The following HERPUD2 variants were observed in gnomAD, a reference collection of about 807,000 sequenced individuals.
The protein encoded by HERPUD2 is homocysteine-responsive endoplasmic reticulum-resident ubiquitin-like domain member 2 protein.
HERPUD2 carries 13 observed loss-of-function variants against 49.9 expected under a neutral mutation model. That is an observed-to-expected ratio of 0.26 (90% CI 0.17 to 0.41). HERPUD2 has a LOEUF of 0.41. HERPUD2 is among the 10% of genes least tolerant of loss of function. The probability of loss-of-function intolerance (pLI) is 1.00; values close to 1 mark genes in which losing one functional copy is unlikely to be tolerated. For missense variants in HERPUD2, 449 were observed against 492.2 expected (o/e 0.91, Z 0.83); for synonymous variants, 172 against 171.4 (o/e 1.00, Z -0.03).
chr7:35,675,013 C>A (rs889356473), intron 2 of HERPUD2, among the ~76,000 whole-genome samples: 1 of 152,188 alleles, frequency 6.6e-6, no homozygotes, highest in Non-Finnish European at 1.5e-5. Flanking sequence ...GAGGGGGTCA[C>A]GGGAACCCCA....
At chr7:35,684,967 A>G (rs1428948414) in intron 2 of HERPUD2, among the ~76,000 whole-genome samples, 2 of 152,332 alleles carry the variant, frequency 1.3e-5, no homozygotes, top group East Asian at 3.9e-4. Flanking sequence ...CTGGCCAGGC[A>G]TGGTTTCTCA....
At chr7:35,651,329 G>C (rs1327387113) in intron 5 of HERPUD2, among the ~76,000 whole-genome samples, 2 of 151,954 alleles carry the variant, frequency 1.3e-5, no homozygotes, top group African/African-American at 4.8e-5. Flanking sequence ...CCACACTGGG[G>C]CCTAAGGACA....
chr7:35,641,084 A>C (rs1168427279), intron 5 of HERPUD2, among the ~76,000 whole-genome samples: 3 of 152,216 alleles, frequency 2.0e-5, no homozygotes, highest in Non-Finnish European at 4.4e-5. Flanking sequence ...GAAATGTTGC[A>C]ATAAATTGTA....
At chr7:35,671,219 A>ATG (rs1785637531) in intron 3 of HERPUD2, among the ~76,000 whole-genome samples, 2 of 152,234 alleles carry the variant, frequency 1.3e-5, no homozygotes, top group Admixed American at 1.3e-4. Context: ...GAAAGGGTAC[A>ATG]ACAGGCCCTT....
intron 2 of HERPUD2, among the ~76,000 whole-genome samples, chr7:35,691,749 T>C (rs1361265670): frequency 6.6e-6 from 1 of 152,210 alleles, no homozygotes; most frequent in Non-Finnish European, 1.5e-5. Flanking sequence ...AATAGCAAAC[T>C]GTGCTGAATT....
chr7:35,682,250 CGT>C (rs139063446), intron 2 of HERPUD2, among the ~76,000 whole-genome samples: 5,261 of 67,376 alleles, frequency 0.078, 604 homozygotes, highest in South Asian at 0.26. Flanking sequence ...CACATACACA[CGT>C]GTGTGTGTGT....
chr7:35,686,409 G>A (rs1295811459), intron 2 of HERPUD2, among the ~76,000 whole-genome samples: 3 of 149,088 alleles, frequency 2.0e-5, no homozygotes, highest in Non-Finnish European at 3.0e-5. Context: ...GCATGGTCTC[G>A]ATCTCCTGAT....
chr7:35,634,126 A>G (rs1784831914), intron 8 of HERPUD2, among the ~76,000 whole-genome samples, 186 bp downstream of exon 8: 2 of 152,256 alleles, frequency 1.3e-5, no homozygotes, highest in South Asian at 4.1e-4. Context: ...GTTATAATAT[A>G]TGACTGATTC....
In HERPUD2 at chr7:35,667,460, A is replaced by C; in HGVS notation, c.468T>G (p.Ser156Arg). The change falls in exon 5 of 9, where the codon AGT becomes AGG. Residue 156 changes from serine (S) to arginine (R), a missense_variant. By Grantham distance (110) the Ser-to-Arg change is moderately radical. Transcript: ENST00000311350. ...CTTGCATTACATATGGAAACTGGTG[A>C]CTCTGTGCTTGGTCAGTTTGTGCTT... ...LPQAQTDQAQ[S>R]HQFPYVMQGN... 1.9e-6 allele frequency: 3 copies of C among 1,613,162 alleles called. No individual in the cohort carries two copies. Among genetic ancestry groups the C allele is most frequent in the Non-Finnish European group, 2.5e-6 (3 of 1,179,354 alleles).
At chr7:35,664,018 G>T (rs1785486898) in intron 5 of HERPUD2, among the ~76,000 whole-genome samples, 1 of 152,156 alleles carries the variant, frequency 6.6e-6, no homozygotes, top group Admixed American at 6.5e-5. Context: ...GCATGTTTTT[G>T]CAGGGCTGGT....
intron 6 of HERPUD2, among the ~76,000 whole-genome samples, 190 bp from the exon 7 acceptor site, chr7:35,635,648 C>G (rs1011602975): frequency 6.6e-6 from 1 of 152,024 alleles, no homozygotes; most frequent in Non-Finnish European, 1.5e-5. Flanking sequence ...TGGTAGATGT[C>G]GCACAGGAAA....
Position 35,694,644 on chromosome 7 carries a change from T to G in HERPUD2, c.-297-17A>C, listed in dbSNP as rs1474020434. ...GAAAGGAAGCTATACGAAGGAAGGG[T>G]GGGAGGGATGAGGGCACAACGGCCG... On this transcript the variant is annotated splice_polypyrimidine_tract_variant and intron_variant, in intron 1 of 8. Coordinates refer to ENST00000311350, the MANE Select transcript of HERPUD2 (RefSeq NM_022373.5). The G allele has an allele frequency of 3.9e-5, 13 of 331,636 alleles. No homozygotes were observed. The highest frequency in any genetic ancestry group is 7.9e-5 in the Admixed American group (2 of 25,334). 20.5% of individuals were successfully genotyped at this position (331,636 alleles called of 1,614,324 possible). A position where few individuals can be genotyped will look rare whatever the true frequency, so the allele number is the denominator to read the frequency against.
intron 2 of HERPUD2, among the ~76,000 whole-genome samples, chr7:35,680,325 C>A (rs1252149890): frequency 6.6e-6 from 1 of 152,082 alleles, no homozygotes; most frequent in Non-Finnish European, 1.5e-5. Context: ...GAGAGGATCA[C>A]TTGAGCCCAG....
intron 5 of HERPUD2, among the ~76,000 whole-genome samples, chr7:35,658,118 T>C (rs1217184011): frequency 6.6e-6 from 1 of 152,156 alleles, no homozygotes; most frequent in Non-Finnish European, 1.5e-5. Context: ...AAATGTGCTA[T>C]ATATAGACAA....
intron 5 of HERPUD2, among the ~76,000 whole-genome samples, chr7:35,660,203 C>G (rs4463329): frequency 0.65 from 98,134 of 152,082 alleles, 32,861 homozygotes; most frequent in African/African-American, 0.83. Context: ...TGAAGGACAT[C>G]AACGTATCCT....
At chr7:35,689,346 T>A (rs1786133175) in intron 2 of HERPUD2, among the ~76,000 whole-genome samples, 1 of 152,188 alleles carries the variant, frequency 6.6e-6, no homozygotes, top group Non-Finnish European at 1.5e-5. Context: ...CATGAAACCC[T>A]CTTAAATGTA....
intron 5 of HERPUD2, among the ~76,000 whole-genome samples, chr7:35,656,888 T>C (rs751050980): frequency 5.3e-5 from 8 of 151,640 alleles, no homozygotes; most frequent in Non-Finnish European, 1.0e-4. Context: ...GACTTAAACT[T>C]TGAAGACCTG....
In HERPUD2 at chr7:35,663,848, A is replaced by G. The variant is rs1445315968; in HGVS notation, c.494+3586T>C. Among the ~76,000 whole-genome samples, 4 of 152,060 alleles carry G rather than the reference A, an allele frequency of 2.6e-5. No individual in the cohort carries two copies. The East Asian group carries it at 5.8e-4, about 22-fold the overall frequency. On this transcript the variant is annotated intron_variant, in intron 5 of 8. Transcript: ENST00000311350. ...AGCAGATGGGTCTTGACTCTATCCA[A>G]TTTGCCAGTCTGTGTCTTTTAATTG... is the stretch of plus-strand genomic sequence containing the variant.
rs544351941 is a variant in HERPUD2, at chr7:35,637,914, T to C, written c.617+436A>G. Among the ~76,000 whole-genome samples, 182 of 152,224 alleles carry C rather than the reference T, an allele frequency of 1.2e-3. 1 individual carries two copies. The highest frequency in any genetic ancestry group is 3.7e-3 in the African/African-American group (153 of 41,532). On this transcript the variant is annotated intron_variant, in intron 6 of 8. Coordinates refer to ENST00000311350, the MANE Select transcript of HERPUD2 (RefSeq NM_022373.5). ...GAGGAGAATGAAGGCTGAGAAAGTG[T>C]CCTCAATGCTAGGACTGTTCCATGC...
Sources: allele counts gnomAD v4.1 joint callset (sites outside exome capture counted in the v4.1 genomes callset), GRCh38; gene constraint gnomAD v4.1.1; transcripts MANE v1.5; gene names NCBI Gene and HGNC (gene_info 2026-07-23, HGNC 2026-07-21).